HCN4: variants seen among roughly 807,000 people sequenced by gnomAD.
The protein encoded by HCN4 is hyperpolarization activated cyclic nucleotide gated potassium channel 4, also known as potassium/sodium hyperpolarization-activated cyclic nucleotide-gated channel 4.
In HCN4, 29 loss-of-function variants were observed where a neutral mutation model predicts 76.9. The observed-to-expected ratio is 0.38, with a 90% CI of 0.28 to 0.51. The LOEUF (loss-of-function observed/expected upper bound fraction) is 0.51. Among genes scored for constraint, HCN4 ranks in the 20% least tolerant of loss-of-function variants. The pLI is 0.90. For synonymous variants in HCN4, 772 were observed against 762.5 expected, an observed-to-expected ratio of 1.01 and a Z score of -0.21; for missense variants, 1,416 against 1,715.2, an observed-to-expected ratio of 0.83 and a Z score of 3.08.
In HCN4 at chr15:73,343,089, T is replaced by C. The variant is rs1425666892; in HGVS notation, c.1209+296A>G. Among the ~76,000 whole-genome samples the C allele has an allele frequency of 6.6e-6, 1 of 152,238 alleles. No individual in the cohort carries two copies. The highest frequency in any genetic ancestry group is 2.4e-5 in the African/African-American group (1 of 41,466). On this transcript the variant is annotated intron_variant, in intron 2 of 7. Transcript: ENST00000261917. This position sits in a 1 kb window ranked among gnomAD's most constrained non-coding sequence, Gnocchi z 5.7. ...TTCCAGGTTCACAAATTACTAATCA[T>C]GCAACCTTGTATAAGTCACTTAATA...
At chr15:73,357,633 G>A (rs747411051) in intron 1 of HCN4, among the ~76,000 whole-genome samples, 12 of 152,152 alleles carry the variant, frequency 7.9e-5, no homozygotes, top group African/African-American at 2.4e-4. Flanking sequence ...ATCACTTCCC[G>A]GGAAGGATGC....
At chr15:73,329,302 G>C (rs1346221687) in intron 4 of HCN4, among the ~76,000 whole-genome samples, 4 of 152,232 alleles carry the variant, frequency 2.6e-5, no homozygotes, top group Non-Finnish European at 5.9e-5. Flanking sequence ...GGAGGGCACA[G>C]GGCCTCAGCC....
chr15:73,327,919 C>G (rs2042910305), intron 4 of HCN4, among the ~76,000 whole-genome samples: 1 of 152,210 alleles, frequency 6.6e-6, no homozygotes, highest in Non-Finnish European at 1.5e-5. Flanking sequence ...ACCTGTCAGT[C>G]ACCCCACCAA....
chr15:73,343,540 C>T lies in HCN4; in HGVS notation c.1054G>A (p.Val352Met), dbSNP rs1170518463. 4 of 1,614,160 alleles carry T rather than the reference C, an allele frequency of 2.5e-6. No homozygotes were observed. The highest frequency in any genetic ancestry group is 1.1e-5 in the South Asian group (1 of 91,074). The change falls in exon 2 of 8, where the codon GTG (valine) becomes ATG (methionine). Residue 352 changes from valine to methionine, a missense_variant. By Grantham distance (21) the Val-to-Met change is conservative. This residue lies in a region of HCN4 where 112 missense variants were observed against 259.9 expected (regional missense o/e 0.43). Transcript: ENST00000261917. The surrounding 1 kb of genome is among the most constrained non-coding windows in gnomAD (Gnocchi z 5.7). ...TCCACAATGAGGAAGATGTAGTCCA[C>T]GGGGATGGAGGAAATGAAATCTACC... ...FMVDFISSIP[V>M]DYIFLIVETR...
chr15:73,322,967 C>T lies in HCN4; in HGVS notation c.3126G>A (p.Pro1042=), dbSNP rs1057521459. Residue 1042 remains proline (P), a synonymous_variant, in exon 8 of 8, where the codon CCG becomes CCA. Transcript: ENST00000261917. ...ATCCGTGGGAGCCAGAGGCCCGGGGCGGGGCACTCGGGAAGGTTCTTGGGG... is the reference window on the plus strand; with the variant it reads ...ATCCGTGGGAGCCAGAGGCCCGGGGTGGGGCACTCGGGAAGGTTCTTGGGG... ...PGPPRTFPSA[P]PRASGSHGSL... 2.4e-5 allele frequency: 34 copies of T among 1,399,892 alleles called. No homozygotes were observed. The highest frequency in any genetic ancestry group is 2.9e-5 in the Non-Finnish European group (31 of 1,069,938). 86.7% of individuals were successfully genotyped at this position (1,399,892 alleles called of 1,614,324 possible).
At chr15:73,354,202 TTTTG>T (rs2151224255) in intron 1 of HCN4, among the ~76,000 whole-genome samples, 1 of 152,362 alleles carries the variant, frequency 6.6e-6, no homozygotes, top group South Asian at 2.1e-4. Flanking sequence ...GTTTGTTTCG[TTTTG>T]TTTTTCTTAA....
In HCN4 at chr15:73,367,866, G is replaced by A. The variant is rs1555478994; in HGVS notation, c.405C>T (p.Gly135=). The A allele has an allele frequency of 2.3e-6, 3 of 1,324,828 alleles. No individual in the cohort carries two copies. Among genetic ancestry groups the A allele is most frequent in the East Asian group, 3.2e-5 (1 of 31,274 alleles). The allele number at this position is 1,324,828 out of a possible 1,614,324, so 82.1% of individuals were successfully genotyped here. A position where few individuals can be genotyped will look rare whatever the true frequency, so the allele number is the denominator to read the frequency against. The change falls in exon 1 of 8, where the codon GGC becomes GGT. Residue 135 remains glycine (G), a synonymous_variant. Coordinates refer to ENST00000261917, the MANE Select transcript of HCN4 (RefSeq NM_005477.3). The surrounding 1 kb of genome is among the most constrained non-coding windows in gnomAD (Gnocchi z 7.5). The part of the protein sequence containing the change: ...SAEERRLIAE[G]DASPGEDRTP... ...TCCTGTCCTCGCCGGGGGACGCGTC[G>A]CCCTCGGCGATGAGCCGCCGCTCCT... is the stretch of plus-strand genomic sequence containing the variant.
Position 73,343,350 on chromosome 15 carries a change from G to A in HCN4, c.1209+35C>T. ...TTCCTCACTCCCTCTGTGGGGAGTG[G>A]CCTTTCCCCCAAGAGGTTTGCACTG... is the stretch of plus-strand genomic sequence containing the variant. On this transcript the variant is annotated intron_variant, in intron 2 of 7. Transcript: ENST00000261917. This position sits in a 1 kb window ranked among gnomAD's most constrained non-coding sequence, Gnocchi z 5.7. The A allele has an allele frequency of 6.2e-7, 1 of 1,603,804 alleles. No homozygotes were observed. The highest frequency in any genetic ancestry group is 8.5e-7 in the Non-Finnish European group (1 of 1,171,958).
chr15:73,348,018 C>T (rs1024391652), intron 1 of HCN4, among the ~76,000 whole-genome samples: 1 of 152,190 alleles, frequency 6.6e-6, no homozygotes, highest in Non-Finnish European at 1.5e-5. Flanking sequence ...AACTTATAGG[C>T]TGACACTGGA....
intron 1 of HCN4, among the ~76,000 whole-genome samples, chr15:73,348,347 T>C (rs1389696452): frequency 6.6e-6 from 1 of 152,250 alleles, no homozygotes; most frequent in Non-Finnish European, 1.5e-5. Context: ...TGAGGACATA[T>C]GCACATATAT....
intron 1 of HCN4, among the ~76,000 whole-genome samples, chr15:73,364,815 C>T (rs1367936041): frequency 6.6e-6 from 1 of 152,110 alleles, no homozygotes; most frequent in African/African-American, 2.4e-5. Flanking sequence ...AAGCACAGCC[C>T]ACCCTTGCCC....
At chr15:73,345,640 G>C (rs572887249) in intron 1 of HCN4, among the ~76,000 whole-genome samples, 27 of 152,258 alleles carry the variant, frequency 1.8e-4, no homozygotes, top group Non-Finnish European at 2.1e-4. Context: ...CTCAAAGACA[G>C]CTGTGTACAC....
chr15:73,358,360 G>A (rs904890169), intron 1 of HCN4, among the ~76,000 whole-genome samples: 41 of 152,204 alleles, frequency 2.7e-4, no homozygotes, highest in African/African-American at 9.4e-4. Flanking sequence ...TACTGGAGGT[G>A]GGAGAAGCCC....
In HCN4 at chr15:73,329,784, G is replaced by T. The variant is rs1027435115; in HGVS notation, c.1379C>A (p.Ser460Tyr). ...CGCGTAGGAGTACTGCTTCCCCCAG[G>T]AGTTGTTCTGTGGACAGACGGATGG... ...WVSINNMVNN[S>Y]WGKQYSYALF... Residue 460 changes from serine (S) to tyrosine (Y), a missense_variant, in exon 4 of 8, where the codon TCC becomes TAC. By Grantham distance (144) the Ser-to-Tyr change is moderately radical (BLOSUM62 -2). Coordinates refer to ENST00000261917, the MANE Select transcript of HCN4 (RefSeq NM_005477.3). The T allele has an allele frequency of 6.2e-7, 1 of 1,613,316 alleles. No homozygotes were observed. The highest frequency in any genetic ancestry group is 1.3e-5 in the African/African-American group (1 of 74,936).
chr15:73,346,870 G>A (rs953663137), intron 1 of HCN4, among the ~76,000 whole-genome samples: 3 of 152,092 alleles, frequency 2.0e-5, no homozygotes, highest in Non-Finnish European at 2.9e-5. Context: ...ACAGGTCTCC[G>A]AAAGCCAGGC....
At chr15:73,349,621 C>T (rs2043044537) in intron 1 of HCN4, among the ~76,000 whole-genome samples, 2 of 152,150 alleles carry the variant, frequency 1.3e-5, no homozygotes, top group African/African-American at 4.8e-5. Context: ...CACCTGCATC[C>T]TTAACTTCTT....
intron 1 of HCN4, among the ~76,000 whole-genome samples, chr15:73,350,536 C>G (rs2043051269): frequency 6.6e-6 from 1 of 152,178 alleles, no homozygotes; most frequent in Non-Finnish European, 1.5e-5. Flanking sequence ...ATTAATTCCT[C>G]TCTCCTCAAA....
chr15:73,332,829 C>T (rs898066269), intron 2 of HCN4, among the ~76,000 whole-genome samples: 4 of 152,176 alleles, frequency 2.6e-5, no homozygotes, highest in African/African-American at 9.7e-5. Flanking sequence ...GATCCCAAGC[C>T]CAGGTCCTAC....
chr15:73,322,705 C>T lies in HCN4; in HGVS notation c.3388G>A (p.Gly1130Arg), dbSNP rs1326171404. Reference protein sequence around the residue: ...PRAGGGSGGSGSSGGLGPPGR... With the variant: ...PRAGGGSGGSRSSGGLGPPGR... Reference sequence around the variant, plus strand: ...GGGGGACCGAGGCCCCCGCTGCTCCCACTGCCCCCGCTGCCACCCCCAGCC... The same window carrying T: ...GGGGGACCGAGGCCCCCGCTGCTCCTACTGCCCCCGCTGCCACCCCCAGCC... Residue 1130 changes from glycine (G) to arginine (R), a missense_variant, in exon 8 of 8, where the codon GGG becomes AGG. Coordinates refer to ENST00000261917, the MANE Select transcript of HCN4 (RefSeq NM_005477.3). The T allele has an allele frequency of 6.4e-7, 1 of 1,571,434 alleles. No homozygotes were observed. The highest frequency in any genetic ancestry group is 1.9e-5 in the Admixed American group (1 of 53,234).
Sources: gnomAD v4.1 joint callset for allele counts (sites outside exome capture counted in the v4.1 genomes callset) on GRCh38, gnomAD v4.1.1 for gene constraint, gnomAD v4.1.1 regional missense constraint, Gnocchi (gnomAD v3.1) non-coding constraint, MANE v1.5 for transcripts, NCBI Gene and HGNC (gene_info 2026-07-23, HGNC 2026-07-21) for gene names.